ZNF385B: variants seen among roughly 807,000 people sequenced by gnomAD.
The protein encoded by ZNF385B is zinc finger protein 533.
Under a neutral mutation model 39.2 loss-of-function variants are expected in ZNF385B, and 23 were observed. That is an observed-to-expected ratio of 0.59 (90% CI 0.42 to 0.83). ZNF385B has a LOEUF of 0.83. ZNF385B is among the 40% of genes least tolerant of loss of function. ZNF385B has a pLI of 0.00. For missense variants in ZNF385B, 552 were observed against 598.9 expected, an observed-to-expected ratio of 0.92 and a Z score of 0.82; for synonymous variants, 205 against 222.6, an observed-to-expected ratio of 0.92 and a Z score of 0.70.
At chr2:179,548,526 T>C (rs1339422084) in intron 3 of ZNF385B, among the ~76,000 whole-genome samples, 1 of 149,678 alleles carries the variant, frequency 6.7e-6, no homozygotes, top group Non-Finnish European at 1.5e-5. Flanking sequence ...ACAGAGTTGT[T>C]ATATTATTCC....
intron 3 of ZNF385B, among the ~76,000 whole-genome samples, chr2:179,642,037 A>T (rs922712680): frequency 1.3e-5 from 2 of 152,126 alleles, no homozygotes; most frequent in African/African-American, 2.4e-5. Flanking sequence ...AGGGGCTCTG[A>T]GAAACCATAT....
intron 1 of ZNF385B, among the ~76,000 whole-genome samples, chr2:179,858,217 G>T (rs72625263): frequency 0.056 from 8,552 of 152,208 alleles, 315 homozygotes; most frequent in East Asian, 0.17. Context: ...GGGACTTTGT[G>T]AATTTTATGT....
chr2:179,628,722 G>A (rs572465928), intron 3 of ZNF385B, among the ~76,000 whole-genome samples: 4 of 152,110 alleles, frequency 2.6e-5, no homozygotes, highest in Admixed American at 1.3e-4. Flanking sequence ...TTGAGAAACC[G>A]TGACAAAAGA....
chr2:179,574,677 A>G (rs1459807915), intron 3 of ZNF385B, among the ~76,000 whole-genome samples: 1 of 152,208 alleles, frequency 6.6e-6, no homozygotes, highest in Admixed American at 6.5e-5. Flanking sequence ...CTGAAGTCAT[A>G]CTTGTACATT....
chr2:179,836,513 CTT>C (rs755278598), intron 1 of ZNF385B, among the ~76,000 whole-genome samples: 10 of 124,156 alleles, frequency 8.1e-5, no homozygotes, highest in Non-Finnish European at 9.7e-5. Flanking sequence ...CTTGCGTTTT[CTT>C]TTTTTTTTTT....
chr2:179,785,394 C>T (rs1433591635), intron 1 of ZNF385B, among the ~76,000 whole-genome samples: 1 of 152,018 alleles, frequency 6.6e-6, no homozygotes, highest in African/African-American at 2.4e-5. Context: ...ACAAAGAAAA[C>T]GTATTATTTA....
chr2:179,499,545 T>A (rs1162804071), intron 5 of ZNF385B, among the ~76,000 whole-genome samples: 1 of 152,026 alleles, frequency 6.6e-6, no homozygotes, highest in Non-Finnish European at 1.5e-5. Context: ...ATTAGAACTA[T>A]ATGATCATTT....
intron 6 of ZNF385B, among the ~76,000 whole-genome samples, chr2:179,453,377 T>C (rs201710534): frequency 6.6e-6 from 1 of 152,056 alleles, no homozygotes; most frequent in South Asian, 2.1e-4. Context: ...TAAAATTTAG[T>C]AGAACTGGTC....
At chr2:179,667,517 A>T (rs1004822009) in intron 3 of ZNF385B, among the ~76,000 whole-genome samples, 1 of 152,086 alleles carries the variant, frequency 6.6e-6, no homozygotes, top group African/African-American at 2.4e-5. Flanking sequence ...ACTCTATCCC[A>T]TTCCAGCCAT....
rs1455326502 is a variant in ZNF385B at position 179,652,016 on chromosome 2, A to C, written c.299-107047T>G. ...GTGCCAAAACTGTACTGCCAGAGAAAATTTTTAGTCCCAGATTAAAAAACA... is the reference window on the plus strand; with the variant it reads ...GTGCCAAAACTGTACTGCCAGAGAACATTTTTAGTCCCAGATTAAAAAACA... On this transcript the variant is annotated intron_variant, in intron 3 of 9. Coordinates refer to ENST00000410066, the MANE Select transcript of ZNF385B (RefSeq NM_152520.6). Among the ~76,000 whole-genome samples, 3 of 152,238 alleles carry C rather than the reference A, an allele frequency of 2.0e-5. No individual in the cohort carries two copies. In the East Asian group the frequency reaches 5.8e-4, roughly 29 times the overall value.
chr2:179,762,257 T>C (rs1256846353), intron 3 of ZNF385B, among the ~76,000 whole-genome samples: 9 of 152,086 alleles, frequency 5.9e-5, no homozygotes, highest in Non-Finnish European at 1.2e-4. Context: ...TGGCGTGATT[T>C]CGGCTCACTG....
At chr2:179,860,688 C>G (rs970702413) in intron 1 of ZNF385B, 2 of 324,418 alleles carry the variant, frequency 6.2e-6, no homozygotes, top group Non-Finnish European at 1.3e-5. Context: ...TACCCATTTC[C>G]CGGTCATTGA....
At chr2:179,738,241 T>C (rs765062042) in intron 3 of ZNF385B, among the ~76,000 whole-genome samples, 11 of 152,200 alleles carry the variant, frequency 7.2e-5, no homozygotes, top group South Asian at 2.1e-4. Flanking sequence ...AAGAGCTTTA[T>C]TGAAAAAATA....
intron 3 of ZNF385B, among the ~76,000 whole-genome samples, chr2:179,753,312 C>G (rs1702797763): frequency 6.6e-6 from 1 of 152,090 alleles, no homozygotes; most frequent in African/African-American, 2.4e-5. Flanking sequence ...TGTTTTGGTA[C>G]CAGTACCATG....
chr2:179,606,414 G>T (rs1002324255), intron 3 of ZNF385B, among the ~76,000 whole-genome samples: 6 of 152,162 alleles, frequency 3.9e-5, no homozygotes, highest in African/African-American at 1.4e-4. Flanking sequence ...TGCCTCATTA[G>T]ACATTTGGCA....
chr2:179,730,748 T>C (rs894631415), intron 3 of ZNF385B, among the ~76,000 whole-genome samples: 1 of 152,206 alleles, frequency 6.6e-6, no homozygotes, highest in Non-Finnish European at 1.5e-5. Context: ...GAAACAAATA[T>C]ATGTACATGC....
chr2:179,523,358 T>TTG (rs1294318849), intron 4 of ZNF385B, among the ~76,000 whole-genome samples: 4 of 151,602 alleles, frequency 2.6e-5, no homozygotes, highest in African/African-American at 7.2e-5. Context: ...GTTTTTTTTT[T>TTG]TTTTTTTTTA....
chr2:179,765,134 C>A (rs1703614774), intron 3 of ZNF385B, among the ~76,000 whole-genome samples: 1 of 152,208 alleles, frequency 6.6e-6, no homozygotes, highest in Non-Finnish European at 1.5e-5. Flanking sequence ...ACTGGTTCTG[C>A]TTCTCTGGAG....
At chr2:179,569,925 T>C (rs1685024286) in intron 3 of ZNF385B, among the ~76,000 whole-genome samples, 1 of 152,200 alleles carries the variant, frequency 6.6e-6, no homozygotes, top group African/African-American at 2.4e-5. Flanking sequence ...TTGAGTATCC[T>C]GAACATAGTT....
Sources: gnomAD v4.1 joint callset for allele counts (sites outside exome capture counted in the v4.1 genomes callset) on GRCh38, gnomAD v4.1.1 for gene constraint, MANE v1.5 for transcripts, NCBI Gene and HGNC (gene_info 2026-07-23, HGNC 2026-07-21) for gene names.